HPCAL4: variants seen among roughly 807,000 people sequenced by gnomAD.
The protein encoded by HPCAL4 is hippocalcin like 4.
Under a neutral mutation model 18.2 loss-of-function variants are expected in HPCAL4, and 16 were observed. The observed-to-expected ratio is 0.88, with a 90% CI of 0.59 to 1.33. The LOEUF is 1.33. HPCAL4 is among the 40% of genes most tolerant of loss of function. The pLI is 0.00. For missense variants in HPCAL4, 214 were observed against 256.6 expected (o/e 0.83, Z 1.14); for synonymous variants, 80 against 97.5 (o/e 0.82, Z 1.06).
chr1:39,690,483 T>C (rs1478760286), intron 1 of HPCAL4, among the ~76,000 whole-genome samples: 1 of 151,914 alleles, frequency 6.6e-6, no homozygotes, highest in East Asian at 1.9e-4. Flanking sequence ...TCATACAAAT[T>C]AGAAAGACAT....
At chr1:39,689,672 C>T (rs990419638) in intron 1 of HPCAL4, among the ~76,000 whole-genome samples, 2 of 152,224 alleles carry the variant, frequency 1.3e-5, no homozygotes, top group Admixed American at 6.5e-5. Context: ...ATACACAAAA[C>T]CATTGTCCCA....
At chr1:39,683,348 C>T (rs1646643777) in intron 3 of HPCAL4, among the ~76,000 whole-genome samples, 1 of 152,230 alleles carries the variant, frequency 6.6e-6, no homozygotes, top group African/African-American at 2.4e-5. Context: ...CCTCCTGGCC[C>T]CTCCTTGAAC....
chr1:39,683,242 C>G (rs1309031352), intron 3 of HPCAL4, among the ~76,000 whole-genome samples: 1 of 152,186 alleles, frequency 6.6e-6, no homozygotes, highest in East Asian at 1.9e-4. Flanking sequence ...ATGCCAGAAG[C>G]CCAACTCCGT....
At position 39,678,861 on chromosome 1, in the gene HPCAL4, G is replaced by A. The variant is rs1412341343; in HGVS notation, c.*3675C>T. 2.0e-5 allele frequency: 3 copies of A among 152,078 alleles called. No individual in the cohort carries two copies. The highest frequency in any genetic ancestry group is 7.2e-5 in the African/African-American group (3 of 41,406). 9.4% of individuals were successfully genotyped at this position (152,078 alleles called of 1,614,324 possible). ...CTGCTGCTTAGAAGGCCCTGGGCCT[G>A]ACTGGCCTCCACCAAGCAGGAAGGG... On this transcript the variant is annotated 3_prime_UTR_variant, in exon 4 of 4. Transcript: ENST00000372844.
intron 1 of HPCAL4, among the ~76,000 whole-genome samples, chr1:39,686,496 A>G (rs888214603): frequency 1.1e-4 from 16 of 152,166 alleles, no homozygotes; most frequent in African/African-American, 3.6e-4. Context: ...AGAGACGTGG[A>G]TGGGCTGAGA....
chr1:39,684,391 C>T lies in HPCAL4; in HGVS notation c.162+51G>A, dbSNP rs747295677. 20 of 1,292,796 alleles carry T rather than the reference C, an allele frequency of 1.5e-5. No individual in the cohort carries two copies. In the South Asian group the frequency reaches 3.4e-4, roughly 22 times the overall value. The allele number at this position is 1,292,796 out of a possible 1,614,324, so 80.1% of individuals were successfully genotyped here. On this transcript the variant is annotated intron_variant, in intron 2 of 3. Coordinates refer to ENST00000372844, the MANE Select transcript of HPCAL4 (RefSeq NM_016257.4). ...GCCTCCCTCACCCCCGGTTCCTCGC[C>T]TCCCCCAACCCGGGTACTTGGCTCC...
chr1:39,678,794 C>T lies in HPCAL4; in HGVS notation c.*3742G>A, dbSNP rs1646595715. On this transcript the variant is annotated 3_prime_UTR_variant, in exon 4 of 4. Transcript: ENST00000372844. ...GGCTACACTGGAACTGGCCTCCTTCCCCTGCTACCCAGACCCCCCACTTCC... is the reference window on the plus strand; with the variant it reads ...GGCTACACTGGAACTGGCCTCCTTCTCCTGCTACCCAGACCCCCCACTTCC... 1 of 152,260 alleles carries T rather than the reference C, an allele frequency of 6.6e-6. No homozygotes were observed. The highest frequency in any genetic ancestry group is 2.4e-5 in the African/African-American group (1 of 41,398). The allele number at this position is 152,260 out of a possible 1,614,324, so 9.4% of individuals were successfully genotyped here. A position where few individuals can be genotyped will look rare whatever the true frequency, so the allele number is the denominator to read the frequency against.
At chr1:39,684,394 C>G in intron 2 of HPCAL4, 48 bp downstream of exon 2, 1 of 1,548,772 alleles carries the variant, frequency 6.5e-7, no homozygotes, top group Non-Finnish European at 8.7e-7. Flanking sequence ...TCCTCGCCTC[C>G]CCCAACCCGG....
intron 3 of HPCAL4, 44 bp downstream of exon 3, chr1:39,683,893 G>A: frequency 6.4e-7 from 1 of 1,561,928 alleles, no homozygotes. Flanking sequence ...CGGGGATGGC[G>A]AAGCGCTGGC....
Position 39,684,490 on chromosome 1 carries a change from G to T in HPCAL4, c.114C>A (p.Cys38Ter), listed in dbSNP as rs376450016. Residue 38 changes from cysteine (C) to a stop codon, truncating the protein, a stop_gained, in exon 2 of 4, where the codon TGC (cysteine) becomes TGA (stop). Transcript: ENST00000372844. LOFTEE classifies it high-confidence loss of function. ...CCTCCAGGTTGAGGATGCCGCTGGG[G>T]CAGTCCTTCAGGAAGCCCTTGTACC... ...KQWYKGFLKDCPSGILNLEEF... is the reference protein window; with the variant it reads ...KQWYKGFLKD 6.8e-6 allele frequency: 11 copies of T among 1,613,448 alleles called. No homozygotes were observed. The highest frequency in any genetic ancestry group is 5.0e-5 in the Admixed American group (3 of 59,938).
intron 1 of HPCAL4, among the ~76,000 whole-genome samples, chr1:39,690,883 G>A (rs3754351): frequency 0.29 from 44,119 of 151,610 alleles, 6,723 homozygotes; most frequent in Non-Finnish European, 0.33. Flanking sequence ...GGGGCTATCC[G>A]TGGAGGTGGG....
chr1:39,684,607 G>A lies in HPCAL4; in HGVS notation c.-4C>T. The A allele has an allele frequency of 5.0e-6, 8 of 1,588,770 alleles. No homozygotes were observed. Among genetic ancestry groups the A allele is most frequent in the Non-Finnish European group, 6.8e-6 (8 of 1,168,036 alleles). On this transcript the variant is annotated 5_prime_UTR_variant, in exon 2 of 4. Transcript: ENST00000372844. ...GCTTGCTGTTGGTCTTCCCCATGGC[G>A]GGGCCTGTGGGACAGAGGGATTCCT...
At chr1:39,688,896 A>G (rs1180091405) in intron 1 of HPCAL4, among the ~76,000 whole-genome samples, 2 of 152,208 alleles carry the variant, frequency 1.3e-5, no homozygotes, top group East Asian at 3.9e-4. Context: ...GTGGAGAGTC[A>G]GCAGCCCAAG....
chr1:39,683,022 T>C lies in HPCAL4; in HGVS notation c.379-289A>G, dbSNP rs784631. 3.3e-3 allele frequency among the ~76,000 whole-genome samples: 504 copies of C among 152,270 alleles called. 7 individuals carry two copies. Among genetic ancestry groups the C allele is most frequent in the African/African-American group, 0.012 (480 of 41,550 alleles). ...CTTCAGCCTCCTGAGTAGCTGGGATTACAGGCATGCACCAACACGTCCCGC... is the reference window on the plus strand; with the variant it reads ...CTTCAGCCTCCTGAGTAGCTGGGATCACAGGCATGCACCAACACGTCCCGC... On this transcript the variant is annotated intron_variant, in intron 3 of 3. Coordinates refer to ENST00000372844, the MANE Select transcript of HPCAL4 (RefSeq NM_016257.4).
In HPCAL4 at chr1:39,680,086, A is replaced by G. The variant is rs533949702; in HGVS notation, c.*2450T>C. 7 of 152,532 alleles carry G rather than the reference A, an allele frequency of 4.6e-5. No individual in the cohort carries two copies. Among genetic ancestry groups the G allele is most frequent in the Admixed American group, 3.3e-4 (5 of 15,278 alleles). 9.4% of individuals were successfully genotyped at this position (152,532 alleles called of 1,614,324 possible). On this transcript the variant is annotated 3_prime_UTR_variant, in exon 4 of 4. Transcript: ENST00000372844. ...ATGTGGGGACTTCAACCAAGCTCCTATTTTTTTTGGAAGACCACAATCTCA... is the reference window on the plus strand; with the variant it reads ...ATGTGGGGACTTCAACCAAGCTCCTGTTTTTTTTGGAAGACCACAATCTCA...
rs1646633199 is a variant in HPCAL4, at chr1:39,682,333, G to T, written c.*203C>A. On this transcript the variant is annotated 3_prime_UTR_variant, in exon 4 of 4. Transcript: ENST00000372844. Reference sequence around the variant, plus strand: ...GTGGGAGGTGGGGCTAGAAGACAGGGTACTGGAGGACCTGTCTCTTTTGCA... The same window carrying T: ...GTGGGAGGTGGGGCTAGAAGACAGGTTACTGGAGGACCTGTCTCTTTTGCA... 1 of 589,504 alleles carries T rather than the reference G, an allele frequency of 1.7e-6. No homozygotes were observed. Among genetic ancestry groups the T allele is most frequent in the African/African-American group, 1.9e-5 (1 of 53,702 alleles). 36.5% of individuals were successfully genotyped at this position (589,504 alleles called of 1,614,324 possible).
At chr1:39,686,956 G>A (rs531537539) in intron 1 of HPCAL4, among the ~76,000 whole-genome samples, 1 of 152,298 alleles carries the variant, frequency 6.6e-6, no homozygotes, top group African/African-American at 2.4e-5. Context: ...CCCATAGCCC[G>A]ATGTCTGCCA....
At chr1:39,684,683 C>T in intron 1 of HPCAL4, 72 bp from the exon 2 acceptor site, 2 of 1,342,804 alleles carry the variant, frequency 1.5e-6, no homozygotes, top group Non-Finnish European at 2.0e-6. Context: ...GCCCCCTCCC[C>T]TGCCACACAC....
Position 39,679,880 on chromosome 1 carries a change from T to C in HPCAL4, c.*2656A>G, listed in dbSNP as rs1413897433. On this transcript the variant is annotated 3_prime_UTR_variant, in exon 4 of 4. Transcript: ENST00000372844. Reference sequence around the variant, plus strand: ...GAGGAGCAAAAATCACCCATGGGTATGTGTGTCCAGAAGCCTGGAGTAATC... The same window carrying C: ...GAGGAGCAAAAATCACCCATGGGTACGTGTGTCCAGAAGCCTGGAGTAATC... 6.6e-6 allele frequency: 1 copy of C among 152,408 alleles called. No individual in the cohort carries two copies. The highest frequency in any genetic ancestry group is 1.5e-5 in the Non-Finnish European group (1 of 68,064). The allele number at this position is 152,408 out of a possible 1,614,324, so 9.4% of individuals were successfully genotyped here.
Sources: allele counts gnomAD v4.1 joint callset (sites outside exome capture counted in the v4.1 genomes callset), GRCh38; gene constraint gnomAD v4.1.1; transcripts MANE v1.5; gene names NCBI Gene and HGNC (gene_info 2026-07-23, HGNC 2026-07-21).